ENOSF1: variants seen among roughly 807,000 people sequenced by gnomAD.
The protein encoded by ENOSF1 is enolase superfamily member 1.
A neutral mutation model predicts 68.2 loss-of-function variants in ENOSF1; 73 were observed. The ratio of observed to expected loss-of-function variants is 1.07; its 90% CI spans 0.89 to 1.30. The LOEUF is 1.30. ENOSF1 is among the 50% of genes most tolerant of loss of function. The pLI is 0.00. For missense variants in ENOSF1, 589 were observed against 554.5 expected (o/e 1.06, Z -0.62); for synonymous variants, 223 against 210.4 (o/e 1.06, Z -0.52).
downstream of ENOSF1, among the ~76,000 whole-genome samples, chr18:669,760 CCTCA>C (rs71363247): frequency 0.13 from 19,035 of 152,004 alleles, 1,271 homozygotes; most frequent in Non-Finnish European, 0.15. Context: ...CTCGCTGCCA[CCTCA>C]CTAACATTTT....
In ENOSF1 at chr18:673,132, T is replaced by C. The variant is rs1045507057; in HGVS notation, c.*1173A>G. On this transcript the variant is annotated 3_prime_UTR_variant, in exon 16 of 16. Transcript: ENST00000647584. ...TGTCCGTGACCTATCAGTTATTAAT[T>C]TTTAAGGATGTTGCCACTGGCAAAT... is the stretch of plus-strand genomic sequence containing the variant. 4.7e-5 allele frequency: 48 copies of C among 1,016,740 alleles called. No individual in the cohort carries two copies. In the Admixed American group the frequency reaches 1.2e-3, roughly 25 times the overall value. The allele number at this position is 1,016,740 out of a possible 1,614,324, so 63.0% of individuals were successfully genotyped here.
chr18:685,921 CAA>C lies in ENOSF1; in HGVS notation c.739_740del (p.Leu247AspfsTer12), dbSNP rs1369518316. On this transcript the variant is annotated frameshift_variant and splice_region_variant, in exon 10 of 16. Transcript: ENST00000647584. LOFTEE classifies it high-confidence loss of function. Reference protein sequence around the residue: ...IRDMIGPEKTLMMDANQRWDV... With the variant: ...IRDMIGPEKTXMMDANQRWDV... The stretch of plus-strand genomic sequence containing the variant: ...CTTAGTGGTGTGAGAGGATATTTAC[CAA>C]AGTCTTTTCCGGTCCAATCATGTCT... The C allele has an allele frequency of 6.2e-7, 1 of 1,612,672 alleles. No homozygotes were observed. The highest frequency in any genetic ancestry group is 8.5e-7 in the Non-Finnish European group (1 of 1,178,858).
chr18:706,307 T>C (rs1242871199), intron 2 of ENOSF1, among the ~76,000 whole-genome samples, 163 bp downstream of exon 2: 1 of 106,060 alleles, frequency 9.4e-6, no homozygotes, highest in African/African-American at 4.3e-5. Context: ...GTGAAACAAG[T>C]AACAAACCAT....
chr18:666,365 C>T (rs988530832), downstream of ENOSF1, among the ~76,000 whole-genome samples: 1 of 151,994 alleles, frequency 6.6e-6, no homozygotes, highest in African/African-American at 2.4e-5. Context: ...TGCTGTGAAG[C>T]GCAGTGCCAG....
chr18:674,184 T>C lies in ENOSF1; in HGVS notation c.*121A>G. 1 of 675,530 alleles carries C rather than the reference T, an allele frequency of 1.5e-6. No individual in the cohort carries two copies. The highest frequency in any genetic ancestry group is 1.9e-5 in the South Asian group (1 of 51,468). 41.8% of individuals were successfully genotyped at this position (675,530 alleles called of 1,614,324 possible). A position where few individuals can be genotyped will look rare whatever the true frequency, so the allele number is the denominator to read the frequency against. On this transcript the variant is annotated 3_prime_UTR_variant, in exon 16 of 16. Coordinates refer to ENST00000647584, the MANE Select transcript of ENOSF1 (RefSeq NM_017512.7). ...ACTTAGCTGATTCCTGAGGGTGGTA[T>C]GACTTCTAGCTGAACTCATCTTGAT...
chr18:666,950 GTGATGGAGATGGA>G (rs1209526698), downstream of ENOSF1, among the ~76,000 whole-genome samples: 6 of 31,348 alleles, frequency 1.9e-4, no homozygotes, highest in South Asian at 1.4e-3. Flanking sequence ...GATGGTGATG[GTGATGGAGATGGA>G]GATGGTGATG....
intron 1 of ENOSF1, 199 bp downstream of exon 1, chr18:712,305 C>T (rs1441946227): frequency 3.3e-6 from 5 of 1,493,068 alleles, no homozygotes; most frequent in African/African-American, 3.5e-5. Flanking sequence ...TGCCCGGGGC[C>T]CGCAGAGCTG....
chr18:691,230 T>G lies in ENOSF1; in HGVS notation c.470A>C (p.Asp157Ala), dbSNP rs767289979. ...VSCIDFRYIT[D>A]VLTEEDALEI... ...TAGGGCATCCTCCTCAGTCAGGACA[T>G]CAGTGATGTACCTGAAATCTATGCA... The change falls in exon 6 of 16, where the codon GAT becomes GCT. Residue 157 changes from aspartate (D) to alanine (A), a missense_variant. Physicochemically the swap from Asp to Ala is moderately radical, Grantham distance 126 (BLOSUM62 -2). Coordinates refer to ENST00000647584, the MANE Select transcript of ENOSF1 (RefSeq NM_017512.7). The G allele has an allele frequency of 2.5e-6, 4 of 1,614,146 alleles. No homozygotes were observed. The highest frequency in any genetic ancestry group is 3.4e-6 in the Non-Finnish European group (4 of 1,180,010).
rs771980066 is a variant in ENOSF1 at position 678,698 on chromosome 18, G to T, written c.916C>A (p.Gln306Lys). 3.7e-6 allele frequency: 6 copies of T among 1,613,988 alleles called. No individual in the cohort carries two copies. The Admixed American group carries it at 5.0e-5, about 13-fold the overall frequency. ...PLGIGIATGEQCHNRVIFKQL... is the reference protein window; with the variant it reads ...PLGIGIATGEKCHNRVIFKQL... ...CACCTGTTGGGGGCGTCACTCACCTGTTCTCCTGTGGCAATGCCAATTCCT... is the reference window on the plus strand; with the variant it reads ...CACCTGTTGGGGGCGTCACTCACCTTTTCTCCTGTGGCAATGCCAATTCCT... Residue 306 changes from glutamine (Q) to lysine (K), a missense_variant and splice_region_variant, in exon 12 of 16, where the codon CAG becomes AAG. Physicochemically the swap from Gln to Lys is moderately conservative, Grantham distance 53 (BLOSUM62 1). Transcript: ENST00000647584.
intron 2 of ENOSF1, among the ~76,000 whole-genome samples, chr18:701,821 G>A (rs1370430994): frequency 6.6e-6 from 1 of 151,844 alleles, no homozygotes; most frequent in African/African-American, 2.4e-5. Flanking sequence ...TCGGGAGGCT[G>A]AGGCAGGAGA....
chr18:712,617 G>A lies in ENOSF1; in HGVS notation c.-30C>T, dbSNP rs545815811. ...CCTGCGCCCCGTGGCCGCGGCCCCCGTGCGGTCAGGACTGGTCGGGATCCC... is the reference window on the plus strand; with the variant it reads ...CCTGCGCCCCGTGGCCGCGGCCCCCATGCGGTCAGGACTGGTCGGGATCCC... On this transcript the variant is annotated 5_prime_UTR_variant, in exon 1 of 16. It adds an upstream start codon to the 5' untranslated region. Transcript: ENST00000647584. 8 of 1,528,962 alleles carry A rather than the reference G, an allele frequency of 5.2e-6. No homozygotes were observed. The highest frequency in any genetic ancestry group is 6.1e-6 in the Non-Finnish European group (7 of 1,142,612). 94.7% of individuals were successfully genotyped at this position (1,528,962 alleles called of 1,614,324 possible). A position where few individuals can be genotyped will look rare whatever the true frequency, so the allele number is the denominator to read the frequency against.
rs755577749 is a variant in ENOSF1, at chr18:677,813, C to G, written c.978G>C (p.Gln326His). The G allele has an allele frequency of 3.1e-6, 5 of 1,614,174 alleles. No individual in the cohort carries two copies. In the Admixed American group the frequency reaches 8.3e-5, roughly 27 times the overall value. Reference protein sequence around the residue: ...LLQAKALQFLQIDSCRLGSVN... With the variant: ...LLQAKALQFLHIDSCRLGSVN... ...CACTGCCCAGTCTGCAACTGTCAAT[C>G]TGGAGGAACTGCAGGGCCTTCGCCT... Residue 326 changes from glutamine to histidine, a missense_variant, in exon 13 of 16, where the codon CAG becomes CAC. Coordinates refer to ENST00000647584, the MANE Select transcript of ENOSF1 (RefSeq NM_017512.7).
At chr18:688,456 G>A (rs1278455206) in intron 9 of ENOSF1, 118 bp downstream of exon 9, 65 of 1,351,288 alleles carry the variant, frequency 4.8e-5, no homozygotes, top group Admixed American at 2.2e-4. Flanking sequence ...ATCCCTATGA[G>A]CCAGGGGGAT....
In ENOSF1 at chr18:693,266, T is replaced by C. The variant is rs998892784; in HGVS notation, c.423+616A>G. ...CTCCTTCCCTGCTGGAATTGTACAG[T>C]AGAGGCTACAATGGCCTGATCTTAT... On this transcript the variant is annotated intron_variant, in intron 5 of 15. Coordinates refer to ENST00000647584, the MANE Select transcript of ENOSF1 (RefSeq NM_017512.7). 7.8e-6 allele frequency: 10 copies of C among 1,286,582 alleles called. No homozygotes were observed. The African/African-American group carries it at 9.1e-5, about 12-fold the overall frequency. 79.7% of individuals were successfully genotyped at this position (1,286,582 alleles called of 1,614,324 possible). A position where few individuals can be genotyped will look rare whatever the true frequency, so the allele number is the denominator to read the frequency against.
In ENOSF1 at chr18:686,002, T is replaced by C. The variant is rs1384954767; in HGVS notation, c.660A>G (p.Lys220=). The C allele has an allele frequency of 1.9e-6, 3 of 1,613,728 alleles. No homozygotes were observed. In the African/African-American group the frequency reaches 4.0e-5, roughly 22 times the overall value. The part of the protein sequence containing the change: ...QALKDGWTRF[K]VKVGADLQDD... ...CCTGGAGATCAGCACCCACCTTTAC[T>C]TTAAACCTAGAAAATGCATTTGGTT... is the stretch of plus-strand genomic sequence containing the variant. Residue 220 remains lysine, a synonymous_variant, in exon 10 of 16, where the codon AAA becomes AAG. Coordinates refer to ENST00000647584, the MANE Select transcript of ENOSF1 (RefSeq NM_017512.7).
Position 697,291 on chromosome 18 carries a change from A to G in ENOSF1, c.258T>C (p.Gly86=). Residue 86 remains glycine, a synonymous_variant, in exon 3 of 16, where the codon GGT becomes GGC. Transcript: ENST00000647584. ...GCTGCCTATAGAAGCCTCTGAAGTC[A>G]CCAACAATGTCCTTGAGGTCCTTGT... ...VLNKDLKDIV[G]DFRGFYRQLT... The G allele has an allele frequency of 6.2e-7, 1 of 1,614,020 alleles. No individual in the cohort carries two copies. The highest frequency in any genetic ancestry group is 2.2e-5 in the East Asian group (1 of 44,886).
At chr18:667,364 A>T (rs200580810), downstream of ENOSF1, among the ~76,000 whole-genome samples, 243 of 8,316 alleles carry the variant, frequency 0.029, 31 homozygotes, top group East Asian at 0.065. Flanking sequence ...ATGGTGATGG[A>T]GATGGTGATG....
chr18:667,205 ATGGT>A, downstream of ENOSF1, among the ~76,000 whole-genome samples: 1 of 79,410 alleles, frequency 1.3e-5, no homozygotes, highest in Non-Finnish European at 2.2e-5. Flanking sequence ...GGTGATGGTG[ATGGT>A]GATGGAGATG....
rs1425731829 is a variant in ENOSF1, at chr18:691,007, G to C, written c.535+61C>G. The C allele has an allele frequency of 1.9e-6, 3 of 1,565,964 alleles. No homozygotes were observed. In the African/African-American group the frequency reaches 4.1e-5, roughly 21 times the overall value. On this transcript the variant is annotated intron_variant, in intron 7 of 15. Transcript: ENST00000647584. Reference sequence around the variant, plus strand: ...AGACAATGTGTACCCCAAAAGGACAGGGGCACTCAAAAGTGGACAATGTTA... The same window carrying C: ...AGACAATGTGTACCCCAAAAGGACACGGGCACTCAAAAGTGGACAATGTTA...
Sources: gnomAD v4.1 joint callset for allele counts (sites outside exome capture counted in the v4.1 genomes callset) on GRCh38, gnomAD v4.1.1 for gene constraint, MANE v1.5 for transcripts, NCBI Gene and HGNC (gene_info 2026-07-23, HGNC 2026-07-21) for gene names.